ARRB2: variants seen among roughly 807,000 people sequenced by gnomAD.
The protein encoded by ARRB2 is arrestin beta 2.
A neutral mutation model predicts 53.4 loss-of-function variants in ARRB2; 21 were observed. That is an observed-to-expected ratio of 0.39 (90% CI 0.28 to 0.57). The LOEUF is 0.57. ARRB2 is among the 20% of genes least tolerant of loss of function. ARRB2 has a pLI of 0.55. For missense variants in ARRB2, 369 were observed against 527.5 expected, an observed-to-expected ratio of 0.70 and a Z score of 2.94; for synonymous variants, 180 against 212.9, an observed-to-expected ratio of 0.85 and a Z score of 1.34.
chr17:4,716,408 C>A lies in ARRB2; in HGVS notation c.161-4C>A, dbSNP rs374768917. 8.7e-6 allele frequency: 14 copies of A among 1,614,004 alleles called. No individual in the cohort carries two copies. Among genetic ancestry groups the A allele is most frequent in the Non-Finnish European group, 1.2e-5 (14 of 1,180,004 alleles). On this transcript the variant is annotated splice_polypyrimidine_tract_variant and splice_region_variant and intron_variant, in intron 4 of 14. Transcript: ENST00000269260. ...TGACCACTCATCTCACCCTCCCTTG[C>A]CAGTGTTTGTGACCCTCACCTGCGC...
At position 4,715,757 on chromosome 17, in the gene ARRB2, T is replaced by A. The variant is rs979476265; in HGVS notation, c.55-216T>A. 13 of 583,324 alleles carry A rather than the reference T, an allele frequency of 2.2e-5. No homozygotes were observed. The East Asian group carries it at 3.8e-4, about 17-fold the overall frequency. 36.1% of individuals were successfully genotyped at this position (583,324 alleles called of 1,614,324 possible). On this transcript the variant is annotated intron_variant, in intron 2 of 14. Transcript: ENST00000269260. Reference sequence around the variant, plus strand: ...CACACACCGGGCTGGTGGGCAGAGGTGTGCAGAGATAAAGGAGCAGCTCAA... The same window carrying A: ...CACACACCGGGCTGGTGGGCAGAGGAGTGCAGAGATAAAGGAGCAGCTCAA...
intron 1 of ARRB2, among the ~76,000 whole-genome samples, chr17:4,711,478 G>T (rs921938569): frequency 5.9e-5 from 9 of 152,168 alleles, no homozygotes; most frequent in Non-Finnish European, 1.2e-4. Context: ...GGGGCAAGGG[G>T]TGGATGCCTG....
chr17:4,712,997 T>A (rs1435570067), intron 1 of ARRB2, among the ~76,000 whole-genome samples: 2 of 152,178 alleles, frequency 1.3e-5, no homozygotes, highest in Non-Finnish European at 2.9e-5. Context: ...TATTTATTTA[T>A]TTATTTTTTG....
At chr17:4,719,505 T>C in intron 11 of ARRB2, 85 bp downstream of exon 11, 2 of 1,539,052 alleles carry the variant, frequency 1.3e-6, no homozygotes, top group Non-Finnish European at 1.8e-6. Context: ...CAGGGATGTA[T>C]CAGTGAACAG....
intron 1 of ARRB2, 100 bp downstream of exon 1, chr17:4,710,844 G>A (rs1378845981): frequency 7.6e-6 from 3 of 397,206 alleles, no homozygotes; most frequent in East Asian, 3.6e-5. Flanking sequence ...TCTGGGGGCC[G>A]GACGCCTGGG....
At chr17:4,719,158 C>T (rs772331711) in intron 10 of ARRB2, 125 bp from the exon 11 acceptor site, 4 of 1,192,602 alleles carry the variant, frequency 3.4e-6, no homozygotes, top group Non-Finnish European at 4.7e-6. Flanking sequence ...AAAACCTACT[C>T]CCTTGTGACC....
At chr17:4,712,581 T>C (rs981326344) in intron 1 of ARRB2, among the ~76,000 whole-genome samples, 13 of 152,362 alleles carry the variant, frequency 8.5e-5, no homozygotes, top group African/African-American at 2.9e-4. Flanking sequence ...TTCTGCTATC[T>C]ATCTGAGGAT....
In ARRB2 at chr17:4,719,368, G is replaced by T. The variant is rs764855635; in HGVS notation, c.865G>T (p.Ala289Ser). ...CGACAACCGGGAGAAGCGGGGTCTC[G>T]CCCTGGATGGGAAACTCAAGCACGA... ...LSDNREKRGL[A>S]LDGKLKHEDT... The change falls in exon 11 of 15, where the codon GCC (alanine) becomes TCC (serine). Residue 289 changes from alanine (A) to serine (S), a missense_variant. Transcript: ENST00000269260. 2.5e-6 allele frequency: 4 copies of T among 1,614,134 alleles called. No homozygotes were observed. In the South Asian group the frequency reaches 4.4e-5, roughly 18 times the overall value.
At chr17:4,716,126 G>A (rs764425700) in intron 3 of ARRB2, 21 bp from the exon 4 acceptor site, 2 of 1,614,092 alleles carry the variant, frequency 1.2e-6, no homozygotes, top group African/African-American at 1.3e-5. Context: ...CAGGAAGTGA[G>A]CTGGTGTGTC....
chr17:4,710,837 G>A (rs532545544), intron 1 of ARRB2, 93 bp downstream of exon 1: 138 of 397,422 alleles, frequency 3.5e-4, no homozygotes, highest in African/African-American at 2.3e-3. Context: ...GAGAGGATCT[G>A]GGGGCCGGAC....
In ARRB2 at chr17:4,713,575, G is replaced by C. The variant is rs146527966; in HGVS notation, c.24-1438G>C. Among the ~76,000 whole-genome samples the C allele has an allele frequency of 5.2e-3, 784 of 152,078 alleles. 3 individuals carry two copies. The highest frequency in any genetic ancestry group is 0.018 in the African/African-American group (754 of 41,450). ...GAACCCGGGAGGCAGAGGTCGCAGT[G>C]AGCCGAGATCGCACCACTGCACTCC... On this transcript the variant is annotated intron_variant, in intron 1 of 14. Transcript: ENST00000269260.
chr17:4,719,063 C>T (rs1290207385), intron 10 of ARRB2, among the ~76,000 whole-genome samples: 2 of 152,210 alleles, frequency 1.3e-5, no homozygotes, highest in Non-Finnish European at 2.9e-5. Flanking sequence ...CGTGAGCCGC[C>T]GCGACCGGCC....
Position 4,718,716 on chromosome 17 carries a change from T to C in ARRB2, c.779+32T>C, listed in dbSNP as rs370479564. 3.1e-6 allele frequency: 5 copies of C among 1,595,434 alleles called. No homozygotes were observed. The African/African-American group carries it at 6.7e-5, about 22-fold the overall frequency. ...ATCGGGAGAGACCCATGTTCCAATC[T>C]AGGGGAGAAGAGCAGGATCAGGAGA... On this transcript the variant is annotated intron_variant, in intron 10 of 14. Transcript: ENST00000269260.
chr17:4,719,719 G>A (rs1314916597), intron 11 of ARRB2, among the ~76,000 whole-genome samples: 3 of 152,154 alleles, frequency 2.0e-5, no homozygotes, highest in Non-Finnish European at 4.4e-5. Flanking sequence ...GGAAAGGAGG[G>A]TTCTGGGCAG....
At chr17:4,713,818 G>A (rs1236548436) in intron 1 of ARRB2, among the ~76,000 whole-genome samples, 2 of 149,572 alleles carry the variant, frequency 1.3e-5, no homozygotes, top group African/African-American at 4.9e-5. Context: ...ACAAAACATA[G>A]CCGGGCATGG....
At chr17:4,715,586 CGG>C (rs1914914773) in intron 2 of ARRB2, 32 of 322,636 alleles carry the variant, frequency 9.9e-5, no homozygotes, top group East Asian at 1.5e-4. Flanking sequence ...CACACACACA[CGG>C]ACACACACAA....
rs750085065 is a variant in ARRB2, at chr17:4,719,380, A to C, written c.877A>C (p.Lys293Gln). Residue 293 changes from lysine to glutamine, a missense_variant, in exon 11 of 15, where the codon AAA becomes CAA. Transcript: ENST00000269260. ...GAAGCGGGGTCTCGCCCTGGATGGGAAACTCAAGCACGAGGACACCAACCT... is the reference window on the plus strand; with the variant it reads ...GAAGCGGGGTCTCGCCCTGGATGGGCAACTCAAGCACGAGGACACCAACCT... ...REKRGLALDG[K>Q]LKHEDTNLAS... 8 of 1,614,190 alleles carry C rather than the reference A, an allele frequency of 5.0e-6. No individual in the cohort carries two copies. The Admixed American group carries it at 1.3e-4, about 27-fold the overall frequency.
intron 11 of ARRB2, 122 bp downstream of exon 11, chr17:4,719,542 T>C (rs1915473845): frequency 7.2e-7 from 1 of 1,396,930 alleles, no homozygotes; most frequent in Non-Finnish European, 9.6e-7. Flanking sequence ...TCTTACATTC[T>C]AGGGGAGGGA....
chr17:4,715,048 G>C lies in ARRB2; in HGVS notation c.54+5G>C. ...AAGTCGAGCCCTAACTGCAAGGTGA[G>C]TCTCCACAGCACTTACCCTTTTGAC... On this transcript the variant is annotated splice_donor_5th_base_variant and intron_variant, in intron 2 of 14. Transcript: ENST00000269260. 1 of 1,605,978 alleles carries C rather than the reference G, an allele frequency of 6.2e-7. No homozygotes were observed. Among genetic ancestry groups the C allele is most frequent in the Non-Finnish European group, 8.5e-7 (1 of 1,176,096 alleles).
Sources: gnomAD v4.1 joint callset for allele counts (sites outside exome capture counted in the v4.1 genomes callset) on GRCh38, gnomAD v4.1.1 for gene constraint, MANE v1.5 for transcripts, NCBI Gene and HGNC (gene_info 2026-07-23, HGNC 2026-07-21) for gene names.